The following RALGAPA2 variants were observed in gnomAD, a reference collection of about 807,000 sequenced individuals.
RALGAPA2 encodes Ral GTPase activating protein catalytic subunit alpha 2, also known as ral GTPase-activating protein subunit alpha-2.
RALGAPA2 carries 139 observed loss-of-function variants against 230.4 expected under a neutral mutation model. The ratio of observed to expected loss-of-function variants is 0.60; its 90% CI spans 0.53 to 0.69. The LOEUF (loss-of-function observed/expected upper bound fraction) is 0.69. Ranked by LOEUF, RALGAPA2 falls within the 30% of genes least tolerant of loss-of-function variation. RALGAPA2 has a pLI of 0.00. For synonymous variants in RALGAPA2, 847 were observed against 837.8 expected (o/e 1.01, Z -0.19); for missense variants, 2,163 against 2,276.0 (o/e 0.95, Z 1.01).
At chr20:20,639,629 A>C (rs2066966089) in intron 7 of RALGAPA2, among the ~76,000 whole-genome samples, 156 bp downstream of exon 7, 1 of 152,232 alleles carries the variant, frequency 6.6e-6, no homozygotes, top group African/African-American at 2.4e-5. Context: ...GACCTAAAAA[A>C]TGGTACACAC....
chr20:20,582,161 AGTGTGTGTGTGTGT>A (rs35240382), intron 20 of RALGAPA2, among the ~76,000 whole-genome samples: 149 of 146,162 alleles, frequency 1.0e-3, no homozygotes, highest in Non-Finnish European at 1.6e-3. Context: ...AGTGTCACAC[AGTGTGTGTGTGTGT>A]GTGTGTGTGT....
At chr20:20,558,317 A>G (rs1243918640) in intron 23 of RALGAPA2, among the ~76,000 whole-genome samples, 1 of 152,146 alleles carries the variant, frequency 6.6e-6, no homozygotes, top group Non-Finnish European at 1.5e-5. Flanking sequence ...GCACAGCACT[A>G]TTTTGAGGAC....
In RALGAPA2 at chr20:20,601,637, T is replaced by C. The variant is rs200143209; in HGVS notation, c.2203+45A>G. On this transcript the variant is annotated intron_variant, in intron 16 of 39. Coordinates refer to ENST00000202677, the MANE Select transcript of RALGAPA2 (RefSeq NM_020343.4). ...ACACTTTATGCCTATAAATTTATTTTAGATAACAATTAGATTTTTGAGAAG... is the reference window on the plus strand; with the variant it reads ...ACACTTTATGCCTATAAATTTATTTCAGATAACAATTAGATTTTTGAGAAG... 6 of 1,581,008 alleles carry C rather than the reference T, an allele frequency of 3.8e-6. No homozygotes were observed. In the Admixed American group the frequency reaches 1.1e-4, roughly 28 times the overall value.
At chr20:20,700,759 G>A (rs2146982176) in intron 1 of RALGAPA2, among the ~76,000 whole-genome samples, 1 of 152,254 alleles carries the variant, frequency 6.6e-6, no homozygotes, top group South Asian at 2.1e-4. Flanking sequence ...AGAATCCAAG[G>A]GATTGGTCTG....
chr20:20,396,727 GT>G lies in RALGAPA2; in HGVS notation c.*2del. ...AAATATTGAAATGAGACCTTTACGT[GT>G]TTTAATCTGAAGGGAAAGAACACAA... is the stretch of plus-strand genomic sequence containing the variant. On this transcript the variant is annotated 3_prime_UTR_variant, in exon 39 of 40. Coordinates refer to ENST00000202677, the MANE Select transcript of RALGAPA2 (RefSeq NM_020343.4). 1.2e-6 allele frequency: 2 copies of G among 1,609,058 alleles called. No homozygotes were observed. Among genetic ancestry groups the G allele is most frequent in the African/African-American group, 1.3e-5 (1 of 74,908 alleles).
At chr20:20,521,926 C>T (rs1056070541) in intron 30 of RALGAPA2, among the ~76,000 whole-genome samples, 2 of 152,096 alleles carry the variant, frequency 1.3e-5, no homozygotes, top group South Asian at 4.2e-4. Context: ...GGTCAGGTAC[C>T]CTTTGTAAAT....
At chr20:20,608,231 C>T (rs889433930) in intron 14 of RALGAPA2, among the ~76,000 whole-genome samples, 1 of 152,142 alleles carries the variant, frequency 6.6e-6, no homozygotes, top group Non-Finnish European at 1.5e-5. Context: ...TGCTAACCAA[C>T]CACTTCCTAC....
intron 39 of RALGAPA2, among the ~76,000 whole-genome samples, 169 bp downstream of exon 39, chr20:20,396,526 C>A (rs967205620): frequency 1.3e-5 from 2 of 152,228 alleles, no homozygotes; most frequent in African/African-American, 4.8e-5. Context: ...CCCCGGGCAG[C>A]GCAGACATGC....
At chr20:20,549,656 TA>T (rs2063869615) in intron 23 of RALGAPA2, among the ~76,000 whole-genome samples, 1 of 152,192 alleles carries the variant, frequency 6.6e-6, no homozygotes. Flanking sequence ...GATAACATTT[TA>T]AAATTAGGAA....
At chr20:20,469,943 T>G (rs2061501935) in intron 37 of RALGAPA2, among the ~76,000 whole-genome samples, 1 of 152,092 alleles carries the variant, frequency 6.6e-6, no homozygotes, top group South Asian at 2.1e-4. Flanking sequence ...CTTGACAAAT[T>G]TGATTTAGCC....
intron 37 of RALGAPA2, among the ~76,000 whole-genome samples, chr20:20,466,904 A>C (rs151118886): frequency 7.9e-4 from 120 of 152,348 alleles, no homozygotes; most frequent in African/African-American, 2.8e-3. Context: ...TGGGCCTGGA[A>C]GTCTCTCATC....
At chr20:20,528,842 G>A (rs189236069) in intron 27 of RALGAPA2, among the ~76,000 whole-genome samples, 2 of 152,296 alleles carry the variant, frequency 1.3e-5, no homozygotes, top group African/African-American at 2.4e-5. Context: ...TGCACTCTCC[G>A]CTACCCATGA....
chr20:20,705,763 G>A (rs973944896), intron 1 of RALGAPA2, among the ~76,000 whole-genome samples: 1 of 152,062 alleles, frequency 6.6e-6, no homozygotes, highest in East Asian at 1.9e-4. Context: ...CCACCTCCCA[G>A]ATTCAAGCAG....
intron 32 of RALGAPA2, 46 bp from the exon 33 acceptor site, chr20:20,511,371 C>T: frequency 1.3e-6 from 2 of 1,517,622 alleles, no homozygotes; most frequent in Admixed American, 2.4e-5. Context: ...ATTACAGAAC[C>T]ATTTTGCCGC....
chr20:20,597,579 T>TA (rs1013608529), intron 16 of RALGAPA2, among the ~76,000 whole-genome samples: 26 of 151,770 alleles, frequency 1.7e-4, no homozygotes, highest in South Asian at 4.2e-4. Flanking sequence ...TCTCCAATGT[T>TA]AAAAAAAATA....
At chr20:20,572,391 C>G (rs1410847882) in intron 21 of RALGAPA2, among the ~76,000 whole-genome samples, 2 of 146,988 alleles carry the variant, frequency 1.4e-5, no homozygotes, top group East Asian at 4.1e-4. Flanking sequence ...TGCAGTGAGC[C>G]AAGATGGCGC....
chr20:20,631,501 G>A (rs1489441915), intron 9 of RALGAPA2, among the ~76,000 whole-genome samples: 2 of 152,208 alleles, frequency 1.3e-5, no homozygotes, highest in African/African-American at 4.8e-5. Context: ...AAGAGACAAA[G>A]AAGGCTAAGT....
At chr20:20,596,505 T>C (rs189591613) in intron 16 of RALGAPA2, among the ~76,000 whole-genome samples, 121 of 152,302 alleles carry the variant, frequency 7.9e-4, no homozygotes, top group African/African-American at 2.8e-3. Flanking sequence ...AATTCAATAC[T>C]CTAATGTGCC....
Position 20,526,281 on chromosome 20 carries a change from C to T in RALGAPA2, c.3664G>A (p.Glu1222Lys), listed in dbSNP as rs1308629317. ...VSYWEKLQMF[E>K]TSLPRKMAEI... is the part of the protein sequence containing the mutation. ...GCCATTTTCCGAGGCAGAGAGGTTT[C>T]AAACATCTGAAGCTTCTCCCAGTAG... Residue 1222 changes from glutamate (E) to lysine (K), a missense_variant, in exon 28 of 40, where the codon GAA (glutamate) becomes AAA (lysine). Transcript: ENST00000202677. 1.2e-6 allele frequency: 2 copies of T among 1,608,578 alleles called. No homozygotes were observed. The highest frequency in any genetic ancestry group is 2.2e-5 in the East Asian group (1 of 44,798).
Sources: allele counts gnomAD v4.1 joint callset (sites outside exome capture counted in the v4.1 genomes callset), GRCh38; gene constraint gnomAD v4.1.1; transcripts MANE v1.5; gene names NCBI Gene and HGNC (gene_info 2026-07-23, HGNC 2026-07-21).